The following DPP6 variants were observed in gnomAD, a reference collection of about 807,000 sequenced individuals.
DPP6 encodes A-type potassium channel modulatory protein DPP6.
Under a neutral mutation model 122.6 loss-of-function variants are expected in DPP6, and 69 were observed. That is an observed-to-expected ratio of 0.56 (90% CI 0.46 to 0.69). The LOEUF is 0.69. Ranked by LOEUF, DPP6 falls within the 30% of genes least tolerant of loss-of-function variation. The pLI, the probability that DPP6 is intolerant of heterozygous loss-of-function variation, is 0.00. For synonymous variants in DPP6, 418 were observed against 433.1 expected, an observed-to-expected ratio of 0.97 and a Z score of 0.43; for missense variants, 928 against 1,116.9, an observed-to-expected ratio of 0.83 and a Z score of 2.41.
intron 1 of DPP6, among the ~76,000 whole-genome samples, chr7:153,896,424 A>G (rs1563214783): frequency 6.6e-6 from 1 of 152,186 alleles, no homozygotes; most frequent in Non-Finnish European, 1.5e-5. Flanking sequence ...CTAAAGGCCA[A>G]ATTTTTTTTT....
chr7:153,824,116 C>T, the DPP6 span, among the ~76,000 whole-genome samples: 6 of 152,230 alleles, frequency 3.9e-5, no homozygotes, highest in African/African-American at 9.6e-5. Flanking sequence ...GGGTTGGGCG[C>T]GGTGGCTTAC....
At chr7:153,802,845 C>A in the DPP6 span, among the ~76,000 whole-genome samples, 1 of 152,188 alleles carries the variant, frequency 6.6e-6, no homozygotes, top group East Asian at 1.9e-4. Context: ...TTTGAGGACA[C>A]ACCGAGGATC....
intron 1 of DPP6, among the ~76,000 whole-genome samples, chr7:154,202,469 G>A (rs1286198659): frequency 6.6e-6 from 1 of 152,050 alleles, no homozygotes; most frequent in African/African-American, 2.4e-5. Context: ...CATATATTTT[G>A]GCCAGGCTTC....
chr7:154,260,851 G>A (rs915443402), intron 1 of DPP6, among the ~76,000 whole-genome samples: 1 of 151,636 alleles, frequency 6.6e-6, no homozygotes, highest in South Asian at 2.1e-4. Context: ...TAAATACCTA[G>A]TAGTGGGATT....
At chr7:154,151,643 C>T (rs1020372781) in intron 1 of DPP6, among the ~76,000 whole-genome samples, 2 of 152,180 alleles carry the variant, frequency 1.3e-5, no homozygotes, top group African/African-American at 4.8e-5. Context: ...TGCCCTCCCT[C>T]AGGGACCAGC....
At chr7:154,082,892 A>G (rs1181372966) in intron 1 of DPP6, among the ~76,000 whole-genome samples, 1 of 132,166 alleles carries the variant, frequency 7.6e-6, no homozygotes, top group Non-Finnish European at 1.5e-5. Context: ...TCTGTCACCC[A>G]GGCTGGAGTG....
intron 1 of DPP6, among the ~76,000 whole-genome samples, chr7:153,909,644 A>G (rs1219601081): frequency 6.6e-6 from 1 of 152,124 alleles, no homozygotes. Flanking sequence ...CCTTCCCACT[A>G]TATTCAGTGG....
At chr7:153,980,628 A>G (rs1055087646) in intron 1 of DPP6, among the ~76,000 whole-genome samples, 3 of 151,890 alleles carry the variant, frequency 2.0e-5, no homozygotes, top group African/African-American at 7.3e-5. Flanking sequence ...AGTTCTTTTG[A>G]TTGTGAAGTT....
intron 3 of DPP6, among the ~76,000 whole-genome samples, chr7:154,502,037 T>A (rs1460394255): frequency 1.1e-4 from 17 of 152,164 alleles, no homozygotes; most frequent in African/African-American, 3.9e-4. Context: ...TTTGGAGCTT[T>A]AAGATTTTAC....
At chr7:154,388,244 A>G (rs1405092405) in intron 1 of DPP6, among the ~76,000 whole-genome samples, 1 of 152,166 alleles carries the variant, frequency 6.6e-6, no homozygotes, top group Non-Finnish European at 1.5e-5. Flanking sequence ...TCGAGCTGTA[A>G]TCACACCACT....
chr7:154,714,528 G>A (rs1041548450), intron 7 of DPP6, among the ~76,000 whole-genome samples: 1 of 152,158 alleles, frequency 6.6e-6, no homozygotes, highest in African/African-American at 2.4e-5. Context: ...CAGCAGGAGA[G>A]GGAATGAGTG....
At chr7:153,863,985 G>T in the DPP6 span, among the ~76,000 whole-genome samples, 3 of 152,152 alleles carry the variant, frequency 2.0e-5, no homozygotes, top group African/African-American at 7.2e-5. Context: ...ATTAGTCAGT[G>T]GTCATTTGGG....
chr7:154,209,161 G>A (rs1466755939), intron 1 of DPP6, among the ~76,000 whole-genome samples: 2 of 152,196 alleles, frequency 1.3e-5, no homozygotes, highest in Non-Finnish European at 1.5e-5. Context: ...AGAGATACAT[G>A]TGATCCCCGA....
intron 1 of DPP6, among the ~76,000 whole-genome samples, chr7:154,117,632 A>G (rs577407359): frequency 2.6e-5 from 4 of 152,314 alleles, no homozygotes; most frequent in South Asian, 2.1e-4. Flanking sequence ...ACAATGAAAC[A>G]TAATGTTTTT....
chr7:154,788,219 G>A (rs559634458), intron 10 of DPP6, among the ~76,000 whole-genome samples: 49 of 152,046 alleles, frequency 3.2e-4, no homozygotes, highest in Non-Finnish European at 3.8e-4. Flanking sequence ...TGAGGCTGGC[G>A]GATCAGTTGA....
chr7:154,509,974 A>G (rs1484207541), intron 3 of DPP6, among the ~76,000 whole-genome samples: 59 of 152,136 alleles, frequency 3.9e-4, no homozygotes, highest in Admixed American at 3.9e-3. Context: ...AAGTTAAGGG[A>G]TTCCTTTTTG....
At chr7:153,812,155 G>A in the DPP6 span, among the ~76,000 whole-genome samples, 1 of 152,088 alleles carries the variant, frequency 6.6e-6, no homozygotes, top group East Asian at 1.9e-4. Flanking sequence ...AAGAGCAACG[G>A]TGATATTGCT....
At chr7:154,485,434 T>C (rs1397964786) in intron 3 of DPP6, among the ~76,000 whole-genome samples, 2 of 152,200 alleles carry the variant, frequency 1.3e-5, no homozygotes, top group Admixed American at 1.3e-4. Flanking sequence ...TTGTCTGGCA[T>C]TAGGAACCCA....
the DPP6 span, among the ~76,000 whole-genome samples, chr7:153,861,695 G>T: frequency 6.6e-6 from 1 of 152,150 alleles, no homozygotes; most frequent in Admixed American, 6.5e-5. Flanking sequence ...TAACCACCTA[G>T]TCAGGTAATG....
Sources: gnomAD v4.1 joint callset for allele counts (sites outside exome capture counted in the v4.1 genomes callset) on GRCh38, gnomAD v4.1.1 for gene constraint, MANE v1.5 for transcripts, NCBI Gene and HGNC (gene_info 2026-07-23, HGNC 2026-07-21) for gene names.